The following CDK17 variants were observed in gnomAD, a reference collection of about 807,000 sequenced individuals.
CDK17 encodes the protein cyclin-dependent kinase 17.
A neutral mutation model predicts 77.6 loss-of-function variants in CDK17; 24 were observed. That is an observed-to-expected ratio of 0.31 (90% CI 0.22 to 0.44). The LOEUF is 0.44. Among genes scored for constraint, CDK17 ranks in the 20% least tolerant of loss-of-function variants. CDK17 has a pLI of 1.00. For synonymous variants in CDK17, 203 were observed against 210.4 expected (o/e 0.96, Z 0.30); for missense variants, 429 against 622.5 (o/e 0.69, Z 3.31).
chr12:96,315,786 G>C (rs1216550140), intron 3 of CDK17, among the ~76,000 whole-genome samples: 1 of 152,150 alleles, frequency 6.6e-6, no homozygotes, highest in Non-Finnish European at 1.5e-5. Context: ...AGAGGCTGCT[G>C]ATGTTGATGA....
chr12:96,345,621 G>C (rs1045816746), intron 1 of CDK17, among the ~76,000 whole-genome samples: 7 of 152,034 alleles, frequency 4.6e-5, no homozygotes, highest in Non-Finnish European at 1.0e-4. Context: ...AATATAAAAA[G>C]GTAATCTGTG....
intron 5 of CDK17, among the ~76,000 whole-genome samples, chr12:96,305,724 C>A (rs1453232957): frequency 6.6e-6 from 1 of 151,814 alleles, no homozygotes; most frequent in Non-Finnish European, 1.5e-5. Flanking sequence ...ATGGCCACCC[C>A]CTTTTTTTTT....
intron 6 of CDK17, 57 bp downstream of exon 6, chr12:96,300,247 A>C (rs375410289): frequency 8.9e-7 from 1 of 1,125,476 alleles, no homozygotes; most frequent in African/African-American, 1.6e-5. Flanking sequence ...GGAGTAACAG[A>C]GTTTGAATGA....
intron 1 of CDK17, among the ~76,000 whole-genome samples, chr12:96,369,045 C>A (rs1423359063): frequency 6.6e-6 from 1 of 151,794 alleles, no homozygotes; most frequent in Non-Finnish European, 1.5e-5. Context: ...AGTTAGAATT[C>A]AAAAAGTAGG....
chr12:96,292,711 C>CA (rs1952342346), intron 10 of CDK17, among the ~76,000 whole-genome samples: 1 of 152,106 alleles, frequency 6.6e-6, no homozygotes, highest in South Asian at 2.1e-4. Flanking sequence ...TAAGAGTATT[C>CA]AAACTCTCAG....
chr12:96,338,743 A>G (rs896086638), intron 1 of CDK17, among the ~76,000 whole-genome samples: 1 of 151,224 alleles, frequency 6.6e-6, no homozygotes, highest in Non-Finnish European at 1.5e-5. Flanking sequence ...GTGAGCGATA[A>G]TAAATGTTAT....
intron 13 of CDK17, among the ~76,000 whole-genome samples, chr12:96,284,665 C>T (rs910669938): frequency 2.7e-5 from 4 of 150,292 alleles, no homozygotes; most frequent in Admixed American, 1.3e-4. Flanking sequence ...CCTGGGTTCA[C>T]GTGATTCTCC....
At chr12:96,348,523 C>CAAAAAAAAAAAAAAAAA (rs35363324) in intron 1 of CDK17, among the ~76,000 whole-genome samples, 16 of 66,374 alleles carry the variant, frequency 2.4e-4, no homozygotes, top group Non-Finnish European at 3.1e-4. Context: ...GACTCTGTCT[C>CAAAAAAAAAAAAAAAAA]AAAAAAAAAA....
At position 96,324,124 on chromosome 12, in the gene CDK17, A is replaced by G. The variant is rs753847002; in HGVS notation, c.119-12T>C. The G allele has an allele frequency of 6.3e-7, 1 of 1,583,804 alleles. No homozygotes were observed. Among genetic ancestry groups the G allele is most frequent in the Non-Finnish European group, 8.6e-7 (1 of 1,166,996 alleles). On this transcript the variant is annotated splice_polypyrimidine_tract_variant and intron_variant, in intron 2 of 16. Transcript: ENST00000261211. ...CTTCACAATAGGCTCTGTGGTTCAT[A>G]GAATTCGAAAATCATTCCATCATCA...
At chr12:96,346,647 T>A (rs1039878389) in intron 1 of CDK17, among the ~76,000 whole-genome samples, 4 of 150,314 alleles carry the variant, frequency 2.7e-5, no homozygotes, top group African/African-American at 9.9e-5. Flanking sequence ...CCGGGCATGG[T>A]GGCTCACGCC....
intron 1 of CDK17, among the ~76,000 whole-genome samples, chr12:96,352,306 A>C (rs895364004): frequency 2.0e-5 from 3 of 152,134 alleles, no homozygotes; most frequent in African/African-American, 7.2e-5. Context: ...ACTAAGTGTA[A>C]GGTGGCCAAA....
At chr12:96,362,408 G>A (rs1474829109) in intron 1 of CDK17, among the ~76,000 whole-genome samples, 5 of 151,820 alleles carry the variant, frequency 3.3e-5, no homozygotes, top group South Asian at 4.2e-4. Context: ...TAGTAGAGAC[G>A]GAGTTTTACC....
chr12:96,316,550 G>A (rs1210381348), intron 3 of CDK17, among the ~76,000 whole-genome samples: 1 of 148,872 alleles, frequency 6.7e-6, no homozygotes, highest in Non-Finnish European at 1.5e-5. Context: ...AGACTTAAAT[G>A]TCCCTGTCTG....
rs1318398105 is a variant in CDK17 at position 96,398,581 on chromosome 12, T to C, written c.-30+1405A>G. On this transcript the variant is annotated intron_variant, in intron 1 of 16. Transcript: ENST00000261211. ...AAGTCTAAAACAGAACAAGCCAGAT[T>C]TGTTGCTGTGATCTTCTCACACGAA... 2.0e-5 allele frequency among the ~76,000 whole-genome samples: 3 copies of C among 152,300 alleles called. No individual in the cohort carries two copies. The East Asian group carries it at 5.8e-4, about 29-fold the overall frequency.
chr12:96,287,104 T>C (rs1482067066), intron 11 of CDK17, among the ~76,000 whole-genome samples: 1 of 152,176 alleles, frequency 6.6e-6, no homozygotes, highest in Non-Finnish European at 1.5e-5. Flanking sequence ...TTAGCAATAG[T>C]GTAGACCATG....
chr12:96,333,873 T>C (rs184697001), intron 2 of CDK17, among the ~76,000 whole-genome samples: 120 of 152,248 alleles, frequency 7.9e-4, no homozygotes, highest in African/African-American at 2.7e-3. Flanking sequence ...CTGGGTAGAA[T>C]AAACGGCTTA....
rs1475434051 is a variant in CDK17, at chr12:96,280,084, A to C, written c.*158T>G. 1 of 685,092 alleles carries C rather than the reference A, an allele frequency of 1.5e-6. No homozygotes were observed. The highest frequency in any genetic ancestry group is 2.3e-6 in the Non-Finnish European group (1 of 441,400). The allele number at this position is 685,092 out of a possible 1,614,324, so 42.4% of individuals were successfully genotyped here. Reference sequence around the variant, plus strand: ...GTCACACTGTGACAACAAATATAAAAACAATCTGTAGGTCTGAAATAAAAA... The same window carrying C: ...GTCACACTGTGACAACAAATATAAACACAATCTGTAGGTCTGAAATAAAAA... On this transcript the variant is annotated 3_prime_UTR_variant, in exon 17 of 17. Transcript: ENST00000261211.
rs570007470 is a variant in CDK17 at position 96,278,822 on chromosome 12, A to T, written c.*1420T>A. 1 of 152,548 alleles carries T rather than the reference A, an allele frequency of 6.6e-6. No individual in the cohort carries two copies. Among genetic ancestry groups the T allele is most frequent in the Non-Finnish European group, 1.5e-5 (1 of 67,970 alleles). 9.4% of individuals were successfully genotyped at this position (152,548 alleles called of 1,614,324 possible). ...TCGTGAAATATTAAAATAACACCCC[A>T]AACATGCCACAATCACTATTCACAA... On this transcript the variant is annotated 3_prime_UTR_variant, in exon 17 of 17. Transcript: ENST00000261211.
At chr12:96,332,709 G>A (rs562379500) in intron 2 of CDK17, among the ~76,000 whole-genome samples, 21 of 152,250 alleles carry the variant, frequency 1.4e-4, no homozygotes, top group Middle Eastern at 3.4e-3. Context: ...CTCTTATGAC[G>A]TCTTGAAGTA....
Sources: allele counts gnomAD v4.1 joint callset (sites outside exome capture counted in the v4.1 genomes callset), GRCh38; gene constraint gnomAD v4.1.1; transcripts MANE v1.5; gene names NCBI Gene and HGNC (gene_info 2026-07-23, HGNC 2026-07-21).